LONP2: variants seen among roughly 807,000 people sequenced by gnomAD.
LONP2 encodes the protein lon protease homolog 2, peroxisomal.
LONP2 carries 60 observed loss-of-function variants against 85.6 expected under a neutral mutation model. That is an observed-to-expected ratio of 0.70 (90% CI 0.57 to 0.87). The LOEUF is 0.87. Ranked by LOEUF, LONP2 falls within the 40% of genes least tolerant of loss-of-function variation. The pLI is 0.00. For synonymous variants in LONP2, 395 were observed against 389.7 expected, an observed-to-expected ratio of 1.01 and a Z score of -0.16; for missense variants, 860 against 1,063.5, an observed-to-expected ratio of 0.81 and a Z score of 2.66.
chr16:48,248,287 ATTTT>A (rs111725492), intron 1 of LONP2, among the ~76,000 whole-genome samples: 7 of 116,540 alleles, frequency 6.0e-5, no homozygotes, highest in Admixed American at 8.7e-5. Context: ...ATGCCTAGCT[ATTTT>A]TTTTTTTTTT....
At chr16:48,259,980 G>C (rs1451327345) in intron 4 of LONP2, among the ~76,000 whole-genome samples, 2 of 152,096 alleles carry the variant, frequency 1.3e-5, no homozygotes, top group Non-Finnish European at 2.9e-5. Context: ...GATAATATTT[G>C]GAGTTAACCT....
intron 8 of LONP2, among the ~76,000 whole-genome samples, chr16:48,287,320 G>A (rs762628514): frequency 6.6e-6 from 1 of 152,166 alleles, no homozygotes; most frequent in Non-Finnish European, 1.5e-5. Context: ...GGATTCTCAG[G>A]CATATGTCAA....
chr16:48,334,693 G>A, intron 12 of LONP2: 1 of 569,286 alleles, frequency 1.8e-6, no homozygotes, highest in East Asian at 4.3e-5. Context: ...CTAAGAGTGT[G>A]TGGCCATCCT....
intron 8 of LONP2, among the ~76,000 whole-genome samples, chr16:48,284,640 C>T (rs925621116): frequency 2.6e-5 from 4 of 152,082 alleles, no homozygotes; most frequent in African/African-American, 7.2e-5. Flanking sequence ...TGCTATTGCA[C>T]ACTTAATAGA....
chr16:48,267,627 G>C (rs1055072517), intron 6 of LONP2, among the ~76,000 whole-genome samples: 4 of 151,230 alleles, frequency 2.6e-5, no homozygotes, highest in African/African-American at 9.7e-5. Context: ...TTGTTTGTTC[G>C]TTTTTTGAGA....
rs74017907 is a variant in LONP2, at chr16:48,312,325, G to A, written c.1795+9020G>A. On this transcript the variant is annotated intron_variant, in intron 11 of 14. Transcript: ENST00000285737. ...GTTTTTTAGTTAGGATCCATTGCTAGAGAATTACTGTGTTTCTCTGGGGGT... is the reference window on the plus strand; with the variant it reads ...GTTTTTTAGTTAGGATCCATTGCTAAAGAATTACTGTGTTTCTCTGGGGGT... Among the ~76,000 whole-genome samples, 840 of 151,968 alleles carry A rather than the reference G, an allele frequency of 5.5e-3. 6 individuals carry two copies. Among genetic ancestry groups the A allele is most frequent in the African/African-American group, 0.019 (789 of 41,450 alleles).
At chr16:48,320,804 G>C (rs956247333) in intron 11 of LONP2, among the ~76,000 whole-genome samples, 1 of 152,152 alleles carries the variant, frequency 6.6e-6, no homozygotes, top group Non-Finnish European at 1.5e-5. Flanking sequence ...CCGGGAGGAA[G>C]CTTCAATGAA....
intron 6 of LONP2, among the ~76,000 whole-genome samples, chr16:48,266,975 C>CA (rs1972003170): frequency 6.6e-6 from 1 of 151,662 alleles, no homozygotes; most frequent in Non-Finnish European, 1.5e-5. Context: ...AATAAAATAT[C>CA]AAAAAATAAA....
intron 11 of LONP2, among the ~76,000 whole-genome samples, chr16:48,307,069 G>A (rs767134433): frequency 4.0e-4 from 61 of 152,182 alleles, no homozygotes; most frequent in Non-Finnish European, 7.8e-4. Context: ...CAGAAGCACT[G>A]ATCTGTGAAC....
At chr16:48,327,817 G>A (rs1408911728) in intron 11 of LONP2, among the ~76,000 whole-genome samples, 1 of 152,188 alleles carries the variant, frequency 6.6e-6, no homozygotes, top group Non-Finnish European at 1.5e-5. Context: ...TTTTAATAGG[G>A]AGCACTTATA....
rs151040287 is a variant in LONP2 at position 48,264,500 on chromosome 16, G to A, written c.982+1628G>A. 1.6e-4 allele frequency among the ~76,000 whole-genome samples: 24 copies of A among 152,286 alleles called. 1 individual carries two copies. The East Asian group carries it at 4.6e-3, about 29-fold the overall frequency. ...TATCTCTCTTATTCCCTGAACAATT[G>A]CTGTTATCCTGTTCTTTTTCCACGG... On this transcript the variant is annotated intron_variant, in intron 6 of 14. Coordinates refer to ENST00000285737, the MANE Select transcript of LONP2 (RefSeq NM_031490.5).
Position 48,244,392 on chromosome 16 carries a change from T to A in LONP2, c.4T>A (p.Ser2Thr). 1.3e-6 allele frequency: 2 copies of A among 1,547,320 alleles called. No homozygotes were observed. The highest frequency in any genetic ancestry group is 1.7e-6 in the Non-Finnish European group (2 of 1,151,730). The change falls in exon 1 of 15, where the codon TCA (serine) becomes ACA (threonine). Residue 2 changes from serine to threonine, a missense_variant. Coordinates refer to ENST00000285737, the MANE Select transcript of LONP2 (RefSeq NM_031490.5). MSSVSPIQIPSR... is the reference protein window; with the variant it reads MTSVSPIQIPSR... ...CCCAGTGCGAAAGGCTGCCAGCATG[T>A]CATCAGTGAGCCCCATCCAGATCCC... is the stretch of plus-strand genomic sequence containing the variant.
At chr16:48,304,640 G>T (rs1787405495) in intron 11 of LONP2, among the ~76,000 whole-genome samples, 4 of 152,170 alleles carry the variant, frequency 2.6e-5, no homozygotes, top group Admixed American at 2.6e-4. Flanking sequence ...AAAGTCAGAG[G>T]TTGCAGTGAG....
At position 48,244,509 on chromosome 16, in the gene LONP2, C is replaced by A; in HGVS notation, c.121C>A (p.Leu41Met). 6.3e-7 allele frequency: 1 copy of A among 1,593,498 alleles called. No individual in the cohort carries two copies. The highest frequency in any genetic ancestry group is 8.5e-7 in the Non-Finnish European group (1 of 1,174,018). Residue 41 changes from leucine to methionine, a missense_variant, in exon 1 of 15, where the codon CTG becomes ATG. By Grantham distance (15) the Leu-to-Met change is conservative (BLOSUM62 2). Around this residue, in one of 3 missense-constraint regions of LONP2, gnomAD observed 743 missense variants for 917.3 expected, o/e 0.81. Coordinates refer to ENST00000285737, the MANE Select transcript of LONP2 (RefSeq NM_031490.5). ...TSVDSARNLQ[L>M]VRSRLLKGTS... ...CGTGGACTCGGCCCGCAACCTGCAG[C>A]TGGTGCGGAGCCGCCTTCTGAAGGG... is the stretch of plus-strand genomic sequence containing the variant.
chr16:48,320,839 G>A (rs1332302770), intron 11 of LONP2, among the ~76,000 whole-genome samples: 2 of 152,154 alleles, frequency 1.3e-5, no homozygotes, highest in Non-Finnish European at 2.9e-5. Context: ...TATAATAGGA[G>A]CCAAACATTT....
At chr16:48,304,503 A>G (rs1972871290) in intron 11 of LONP2, among the ~76,000 whole-genome samples, 1 of 152,100 alleles carries the variant, frequency 6.6e-6, no homozygotes, top group Non-Finnish European at 1.5e-5. Context: ...CAGGAGTTTG[A>G]GACCAGCCTA....
intron 11 of LONP2, among the ~76,000 whole-genome samples, chr16:48,305,020 G>C (rs1253331420): frequency 6.6e-6 from 1 of 152,166 alleles, no homozygotes; most frequent in Non-Finnish European, 1.5e-5. Flanking sequence ...GCATTTTACA[G>C]CAGTAGCATC....
chr16:48,284,857 G>A (rs1213043211), intron 8 of LONP2, among the ~76,000 whole-genome samples: 1 of 152,144 alleles, frequency 6.6e-6, no homozygotes, highest in African/African-American at 2.4e-5. Context: ...AGGATCAACT[G>A]TAATTACTGC....
At chr16:48,336,989 C>G (rs1167541398) in intron 12 of LONP2, among the ~76,000 whole-genome samples, 1 of 152,188 alleles carries the variant, frequency 6.6e-6, no homozygotes, top group Non-Finnish European at 1.5e-5. Flanking sequence ...ACACAGTCTA[C>G]CTCTGCTTTT....
Sources: gnomAD v4.1 joint callset for allele counts (sites outside exome capture counted in the v4.1 genomes callset) on GRCh38, gnomAD v4.1.1 for gene constraint, gnomAD v4.1.1 regional missense constraint, MANE v1.5 for transcripts, NCBI Gene and HGNC (gene_info 2026-07-23, HGNC 2026-07-21) for gene names.